Variants in NECAB2 observed in about 807,000 individuals in gnomAD.
NECAB2 encodes N-terminal EF-hand calcium-binding protein 2.
A neutral mutation model predicts 51.9 loss-of-function variants in NECAB2; 68 were observed. The ratio of observed to expected loss-of-function variants is 1.31; its 90% CI spans 1.08 to 1.60. The LOEUF is 1.60. Among genes scored for constraint, NECAB2 ranks in the 40% most tolerant of loss-of-function variants. NECAB2 has a pLI of 0.00. For synonymous variants in NECAB2, 329 were observed against 203.5 expected, an observed-to-expected ratio of 1.62 and a Z score of -5.25; for missense variants, 854 against 490.3, an observed-to-expected ratio of 1.74 and a Z score of -7.00.
chr16:83,986,674 G>T (rs868115457), intron 5 of NECAB2, among the ~76,000 whole-genome samples: 1 of 143,352 alleles, frequency 7.0e-6, no homozygotes, highest in Non-Finnish European at 1.5e-5. Context: ...CACCACTCAC[G>T]GCAAATTTTT....
chr16:83,969,248 C>G (rs1255533495), intron 1 of NECAB2, among the ~76,000 whole-genome samples: 1 of 152,056 alleles, frequency 6.6e-6, no homozygotes, highest in Non-Finnish European at 1.5e-5. Flanking sequence ...CGGATCCTGT[C>G]CGGAGCGATA....
intron 5 of NECAB2, among the ~76,000 whole-genome samples, chr16:83,986,482 C>G (rs892674073): frequency 6.6e-6 from 1 of 152,108 alleles, no homozygotes; most frequent in Non-Finnish European, 1.5e-5. Context: ...ACCAATTGCC[C>G]TGTGGAGAGT....
rs1405977411 is a variant in NECAB2, at chr16:83,988,554, C to G, written c.460-1940C>G. 2.0e-5 allele frequency among the ~76,000 whole-genome samples: 3 copies of G among 152,024 alleles called. No individual in the cohort carries two copies. The East Asian group carries it at 5.8e-4, about 29-fold the overall frequency. ...GTTTTTATTTCCTAACCTCTGTAAC[C>G]TGAATGTTTAATTTGAGTGATCGCT... On this transcript the variant is annotated intron_variant, in intron 5 of 12. Coordinates refer to ENST00000305202, the MANE Select transcript of NECAB2 (RefSeq NM_019065.3).
chr16:83,972,736 C>T (rs2151084750), intron 2 of NECAB2, among the ~76,000 whole-genome samples: 1 of 152,302 alleles, frequency 6.6e-6, no homozygotes, highest in African/African-American at 2.4e-5. Flanking sequence ...TCTCTCTCAG[C>T]CTCTTTAAAA....
chr16:84,000,978 T>TGG lies in NECAB2; in HGVS notation c.1040+178_1040+179dup, dbSNP rs377527049. 2.5e-3 allele frequency among the ~76,000 whole-genome samples: 375 copies of TGG among 151,792 alleles called. 1 individual carries two copies. Among genetic ancestry groups the TGG allele is most frequent in the African/African-American group, 8.7e-3 (360 of 41,220 alleles). On this transcript the variant is annotated intron_variant, in intron 11 of 12. Coordinates refer to ENST00000305202, the MANE Select transcript of NECAB2 (RefSeq NM_019065.3). ...AAACCCTGGTGGAGGCAGGAGCTCTTGGTGGGTAGTGAGAGCCCCCACCAC... is the reference window on the plus strand; with the variant it reads ...AAACCCTGGTGGAGGCAGGAGCTCTTGGGGTGGGTAGTGAGAGCCCCCACCAC...
At chr16:83,980,545 C>G (rs760957144) in intron 3 of NECAB2, among the ~76,000 whole-genome samples, 6 of 152,148 alleles carry the variant, frequency 3.9e-5, no homozygotes, top group African/African-American at 7.2e-5. Flanking sequence ...TCCCTTTACC[C>G]CTTTCCTGGC....
In NECAB2 at chr16:83,968,689, A is replaced by G. The variant is rs2084315642; in HGVS notation, c.41A>G (p.His14Arg). 1 of 992,326 alleles carries G rather than the reference A, an allele frequency of 1.0e-6. No individual in the cohort carries two copies. Among genetic ancestry groups the G allele is most frequent in the African/African-American group, 1.8e-5 (1 of 56,370 alleles). The allele number at this position is 992,326 out of a possible 1,614,324, so 61.5% of individuals were successfully genotyped here. Residue 14 changes from histidine (H) to arginine (R), a missense_variant, in exon 1 of 13, where the codon CAC becomes CGC. His to Arg is a conservative substitution (Grantham distance 29). Transcript: ENST00000305202. ...GCGCGCCTGTGCAGGGCCGGCGCGC[A>G]CAGGCTGCTCCGGGAGCCGCCGCAG... ...RAARLCRAGA[H>R]RLLREPPQQG...
At chr16:83,965,348 G>T (rs771942326), upstream of NECAB2, 13 of 1,571,808 alleles carry the variant, frequency 8.3e-6, no homozygotes, top group Non-Finnish European at 1.1e-5. Context: ...GGGCATCCCC[G>T]GGGAGGCCCT....
chr16:83,986,675 G>A (rs2084560866), intron 5 of NECAB2, among the ~76,000 whole-genome samples: 1 of 142,188 alleles, frequency 7.0e-6, no homozygotes, highest in East Asian at 2.0e-4. Flanking sequence ...ACCACTCACG[G>A]CAAATTTTTT....
At position 83,998,224 on chromosome 16, in the gene NECAB2, A is replaced by G. The variant is rs768260185; in HGVS notation, c.869A>G (p.Gln290Arg). The G allele has an allele frequency of 4.3e-6, 7 of 1,611,016 alleles. No homozygotes were observed. The highest frequency in any genetic ancestry group is 1.3e-5 in the African/African-American group (1 of 74,922). ...GTNMHLQLVRQEMAVCPEQLS... is the reference protein window; with the variant it reads ...GTNMHLQLVRREMAVCPEQLS... ...CGGCAGCACCTGCAGCTGGTCCGGC[A>G]GGAGATGGCCGTGTGCCCCGAGCAA... The change falls in exon 10 of 13, where the codon CAG becomes CGG. Residue 290 changes from glutamine (Q) to arginine (R), a missense_variant. By Grantham distance (43) the Gln-to-Arg change is conservative. Coordinates refer to ENST00000305202, the MANE Select transcript of NECAB2 (RefSeq NM_019065.3).
intron 2 of NECAB2, among the ~76,000 whole-genome samples, chr16:83,975,131 C>T (rs1377126872): frequency 6.0e-5 from 7 of 117,206 alleles, no homozygotes; most frequent in Admixed American, 1.7e-4. Context: ...GGGAGGTGTG[C>T]AGGGATGAGA....
Position 83,991,303 on chromosome 16 carries a change from CTCTT to C in NECAB2, c.596+681_596+684del, listed in dbSNP as rs537330816. Among the ~76,000 whole-genome samples, 541 of 151,592 alleles carry C rather than the reference CTCTT, an allele frequency of 3.6e-3. 4 individuals carry two copies. The highest frequency in any genetic ancestry group is 0.012 in the African/African-American group (481 of 41,262). On this transcript the variant is annotated intron_variant, in intron 6 of 12. Coordinates refer to ENST00000305202, the MANE Select transcript of NECAB2 (RefSeq NM_019065.3). ...TAGCCTATTTTCTCTTTCTCTCTCT[CTCTT>C]TCTTTCTCTCTTTCTCTCATTCGTT...
At position 84,002,569 on chromosome 16, in the gene NECAB2, G is replaced by A. The variant is rs2084860040; in HGVS notation, c.*223G>A. On this transcript the variant is annotated 3_prime_UTR_variant, in exon 13 of 13. Coordinates refer to ENST00000305202, the MANE Select transcript of NECAB2 (RefSeq NM_019065.3). ...GGTCCTGGTGAAGCCCAAGGTTGAA[G>A]GGGGCGGCTTCCTGGAGCCAGCACC... is the stretch of plus-strand genomic sequence containing the variant. 5 of 619,810 alleles carry A rather than the reference G, an allele frequency of 8.1e-6. No homozygotes were observed. The highest frequency in any genetic ancestry group is 2.9e-5 in the Admixed American group (1 of 34,804). The allele number at this position is 619,810 out of a possible 1,614,324, so 38.4% of individuals were successfully genotyped here. A position where few individuals can be genotyped will look rare whatever the true frequency, so the allele number is the denominator to read the frequency against.
At chr16:83,967,135 G>T (rs1043026464), upstream of NECAB2, among the ~76,000 whole-genome samples, 3 of 152,210 alleles carry the variant, frequency 2.0e-5, no homozygotes, top group African/African-American at 7.2e-5. Flanking sequence ...GCTCCCCAAA[G>T]TGTTGGTATC....
upstream of NECAB2, chr16:83,965,281 G>C (rs369018666): frequency 6.2e-7 from 1 of 1,604,872 alleles, no homozygotes; most frequent in Non-Finnish European, 8.5e-7. Context: ...AGCCCTTCTC[G>C]CTGTGGGCCC....
upstream of NECAB2, among the ~76,000 whole-genome samples, chr16:83,967,801 G>A (rs2084303243): frequency 6.8e-6 from 1 of 146,866 alleles, no homozygotes; most frequent in Admixed American, 6.7e-5. Context: ...CAGGGAGGGA[G>A]GATGAGTGGG....
At chr16:83,983,622 A>G (rs566861654) in intron 5 of NECAB2, among the ~76,000 whole-genome samples, 4 of 152,174 alleles carry the variant, frequency 2.6e-5, no homozygotes, top group Non-Finnish European at 5.9e-5. Context: ...GATGGGGTGG[A>G]TGCTATTTTT....
chr16:84,000,775 C>A lies in NECAB2; in HGVS notation c.1014C>A (p.Phe338Leu), dbSNP rs1319193326. The A allele has an allele frequency of 3.1e-6, 5 of 1,613,794 alleles. No individual in the cohort carries two copies. Among genetic ancestry groups the A allele is most frequent in the Non-Finnish European group, 4.2e-6 (5 of 1,179,986 alleles). ...GCTTCACCTTTGTCATCTATGAGTT[C>A]TGGGAGACAGAGGAGGCGTGGAAGA... The part of the protein sequence containing the change: ...SDGFTFVIYE[F>L]WETEEAWKRH... Residue 338 changes from phenylalanine to leucine, a missense_variant, in exon 11 of 13, where the codon TTC becomes TTA. By Grantham distance (22) the Phe-to-Leu change is conservative. Transcript: ENST00000305202.
chr16:83,991,438 C>T (rs887807870), intron 6 of NECAB2, among the ~76,000 whole-genome samples: 4 of 145,166 alleles, frequency 2.8e-5, no homozygotes, highest in African/African-American at 1.1e-4. Flanking sequence ...GAGATCTCAG[C>T]TCACTGCAAC....
Sources: allele counts gnomAD v4.1 joint callset (sites outside exome capture counted in the v4.1 genomes callset), GRCh38; gene constraint gnomAD v4.1.1; transcripts MANE v1.5; gene names NCBI Gene and HGNC (gene_info 2026-07-23, HGNC 2026-07-21).